Variants in RIMS2 observed in about 807,000 individuals in gnomAD.
RIMS2 encodes the protein regulating synaptic membrane exocytosis 2, also known as regulating synaptic membrane exocytosis protein 2.
Under a neutral mutation model 174.4 loss-of-function variants are expected in RIMS2, and 59 were observed. That is an observed-to-expected ratio of 0.34 (90% CI 0.27 to 0.42). The LOEUF (loss-of-function observed/expected upper bound fraction) is 0.42. RIMS2 is among the 10% of genes least tolerant of loss of function. The probability of loss-of-function intolerance (pLI) is 1.00; values close to 1 mark genes in which losing one functional copy is unlikely to be tolerated. For synonymous variants in RIMS2, 606 were observed against 572.5 expected, an observed-to-expected ratio of 1.06 and a Z score of -0.84; for missense variants, 1,620 against 1,666.3, an observed-to-expected ratio of 0.97 and a Z score of 0.48.
chr8:104,043,277 G>A (rs1018541485), intron 19 of RIMS2, among the ~76,000 whole-genome samples: 3 of 151,488 alleles, frequency 2.0e-5, no homozygotes, highest in African/African-American at 2.4e-5. Context: ...AATACCATGG[G>A]AAATAAGACA....
intron 19 of RIMS2, among the ~76,000 whole-genome samples, chr8:104,224,003 G>C (rs989813445): frequency 6.6e-6 from 1 of 152,230 alleles, no homozygotes; most frequent in Non-Finnish European, 1.5e-5. Flanking sequence ...GCGCCGACTT[G>C]GGAAAAGGCT....
At chr8:103,781,228 T>C (rs1375271242) in intron 3 of RIMS2, among the ~76,000 whole-genome samples, 2 of 152,158 alleles carry the variant, frequency 1.3e-5, no homozygotes, top group Non-Finnish European at 2.9e-5. Flanking sequence ...ACACACTTCG[T>C]GGTGGGCAGA....
intron 1 of RIMS2, among the ~76,000 whole-genome samples, chr8:103,517,273 A>C (rs1829453571): frequency 6.6e-6 from 1 of 152,194 alleles, no homozygotes; most frequent in Admixed American, 6.6e-5. Context: ...AGGAAAAAGT[A>C]TGTGGAGAAG....
intron 19 of RIMS2, among the ~76,000 whole-genome samples, chr8:104,034,897 T>A (rs2096483784): frequency 6.6e-6 from 1 of 152,176 alleles, no homozygotes; most frequent in Non-Finnish European, 1.5e-5. Context: ...GAAATGTTTA[T>A]GAGAAAAGAG....
At chr8:104,167,943 TTTTG>T (rs2098807363) in intron 19 of RIMS2, among the ~76,000 whole-genome samples, 1 of 152,144 alleles carries the variant, frequency 6.6e-6, no homozygotes, top group East Asian at 1.9e-4. Flanking sequence ...CAATTTATGT[TTTTG>T]TTTGTTTTGT....
chr8:103,934,984 AC>A (rs1282797583), intron 12 of RIMS2, among the ~76,000 whole-genome samples: 1 of 152,182 alleles, frequency 6.6e-6, no homozygotes, highest in African/African-American at 2.4e-5. Flanking sequence ...GGTGTGAGCC[AC>A]CACCCCCAGC....
chr8:103,980,186 T>G (rs2093778646), intron 16 of RIMS2, among the ~76,000 whole-genome samples: 1 of 152,038 alleles, frequency 6.6e-6, no homozygotes, highest in Admixed American at 6.6e-5. Flanking sequence ...TTCCTTCTCT[T>G]TAAGGGGAGG....
chr8:104,225,197 C>G (rs2099178970), intron 19 of RIMS2, among the ~76,000 whole-genome samples: 1 of 152,130 alleles, frequency 6.6e-6, no homozygotes, highest in Non-Finnish European at 1.5e-5. Flanking sequence ...TGAAGCAGTA[C>G]TTTTGTTATC....
At chr8:103,900,728 T>G (rs2099323728) in intron 4 of RIMS2, among the ~76,000 whole-genome samples, 1 of 152,180 alleles carries the variant, frequency 6.6e-6, no homozygotes, top group Non-Finnish European at 1.5e-5. Context: ...TTCCTGTGTT[T>G]ACTGTTACCT....
At chr8:104,130,950 A>C (rs2098469126) in intron 19 of RIMS2, among the ~76,000 whole-genome samples, 1 of 152,200 alleles carries the variant, frequency 6.6e-6, no homozygotes, top group African/African-American at 2.4e-5. Flanking sequence ...TTAAGAGGGA[A>C]AAGAGAAGGA....
At chr8:103,512,798 T>C (rs1262360148) in intron 1 of RIMS2, among the ~76,000 whole-genome samples, 4 of 152,206 alleles carry the variant, frequency 2.6e-5, no homozygotes, top group Non-Finnish European at 5.9e-5. Context: ...ATTTGCTTTC[T>C]ACTTTTTAAA....
chr8:104,122,516 T>C (rs1024260446), intron 19 of RIMS2, among the ~76,000 whole-genome samples: 6 of 152,112 alleles, frequency 3.9e-5, no homozygotes, highest in Non-Finnish European at 8.8e-5. Context: ...AGTGCTCCTA[T>C]TTTGGGTAAC....
At chr8:103,687,345 C>G (rs2096954108) in intron 1 of RIMS2, among the ~76,000 whole-genome samples, 1 of 149,846 alleles carries the variant, frequency 6.7e-6, no homozygotes, top group Admixed American at 6.6e-5. Context: ...CATTCTAACT[C>G]GAGGTTTATC....
At chr8:104,137,538 A>G (rs573413505) in intron 19 of RIMS2, among the ~76,000 whole-genome samples, 1 of 152,334 alleles carries the variant, frequency 6.6e-6, no homozygotes, top group African/African-American at 2.4e-5. Context: ...TGTCCCATTT[A>G]TACATTCATT....
chr8:103,817,617 C>T (rs922824600), intron 3 of RIMS2, among the ~76,000 whole-genome samples: 3 of 152,014 alleles, frequency 2.0e-5, no homozygotes, highest in African/African-American at 4.8e-5. Flanking sequence ...CCTGTCTCCA[C>T]TAAAAATACA....
At chr8:103,539,771 G>A (rs1347214862) in intron 1 of RIMS2, among the ~76,000 whole-genome samples, 1 of 152,234 alleles carries the variant, frequency 6.6e-6, no homozygotes, top group African/African-American at 2.4e-5. Context: ...AACCCTGCCT[G>A]TGCCCTAACC....
chr8:104,043,533 G>C (rs1241571669), intron 19 of RIMS2, among the ~76,000 whole-genome samples: 1 of 151,592 alleles, frequency 6.6e-6, no homozygotes, highest in East Asian at 1.9e-4. Flanking sequence ...AAATGGATTG[G>C]GAAGGATGTT....
intron 15 of RIMS2, among the ~76,000 whole-genome samples, chr8:103,965,054 T>A (rs1480643907): frequency 6.6e-6 from 1 of 152,208 alleles, no homozygotes; most frequent in African/African-American, 2.4e-5. Context: ...GTGTCCTGAT[T>A]ACTGTAGTTT....
intron 19 of RIMS2, among the ~76,000 whole-genome samples, chr8:104,015,670 A>T (rs2095880863): frequency 6.6e-6 from 1 of 152,096 alleles, no homozygotes; most frequent in African/African-American, 2.4e-5. Flanking sequence ...TCAAATAAGA[A>T]TGCAAAGAGT....
Sources: gnomAD v4.1 joint callset for allele counts (sites outside exome capture counted in the v4.1 genomes callset) on GRCh38, gnomAD v4.1.1 for gene constraint, MANE v1.5 for transcripts, NCBI Gene and HGNC (gene_info 2026-07-23, HGNC 2026-07-21) for gene names.